The following NWD1 variants were observed in gnomAD, a reference collection of about 807,000 sequenced individuals.
NWD1 encodes NACHT and WD repeat domain containing 1, also known as NACHT domain- and WD repeat-containing protein 1.
A neutral mutation model predicts 135.1 loss-of-function variants in NWD1; 129 were observed. The observed-to-expected ratio is 0.96, with a 90% CI of 0.83 to 1.11. The LOEUF (loss-of-function observed/expected upper bound fraction) is 1.11. Among genes scored for constraint, NWD1 ranks in the 50% least tolerant of loss-of-function variants. NWD1 has a pLI of 0.00. For missense variants in NWD1, 1,740 were observed against 1,851.3 expected, an observed-to-expected ratio of 0.94 and a Z score of 1.10; for synonymous variants, 773 against 786.0, an observed-to-expected ratio of 0.98 and a Z score of 0.28.
At chr19:16,745,157 AGT>A (rs1173039538) in intron 5 of NWD1, 1 of 435,100 alleles carries the variant, frequency 2.3e-6, no homozygotes, top group South Asian at 1.7e-5. Flanking sequence ...GGTAAGACAG[AGT>A]GAGAGCCAAG....
rs1568340262 is a variant in NWD1, at chr19:16,738,860, C to CATTATA, written c.198+2110_198+2111insATTATA. Among the ~76,000 whole-genome samples the CATTATA allele has an allele frequency of 6.0e-4, 78 of 130,116 alleles. 2 individuals carry two copies. The highest frequency in any genetic ancestry group is 2.3e-3 in the African/African-American group (76 of 33,338). 85.4% of individuals were successfully genotyped at this position (130,116 alleles called of 152,430 possible). A position where few individuals can be genotyped will look rare whatever the true frequency, so the allele number is the denominator to read the frequency against. On this transcript the variant is annotated intron_variant, in intron 4 of 18. Coordinates refer to ENST00000524140, the MANE Select transcript of NWD1 (RefSeq NM_001007525.5). ...TTATATATTATATATAATACATTAT[C>CATTATA]TATAATATATAATACATTATATATT...
chr19:16,767,676 G>C (rs958627974), intron 10 of NWD1, among the ~76,000 whole-genome samples: 1 of 151,882 alleles, frequency 6.6e-6, no homozygotes, highest in Non-Finnish European at 1.5e-5. Context: ...CAGCATGGGG[G>C]AACCACCCCC....
intron 10 of NWD1, 122 bp from the exon 11 acceptor site, chr19:16,773,004 C>T: frequency 1.3e-6 from 1 of 791,274 alleles, no homozygotes; most frequent in Non-Finnish European, 2.2e-6. Flanking sequence ...CAGCAGAGGC[C>T]AGTAGCTGAG....
intron 2 of NWD1, among the ~76,000 whole-genome samples, chr19:16,726,229 T>C (rs1435468220): frequency 6.6e-6 from 1 of 152,134 alleles, no homozygotes; most frequent in Non-Finnish European, 1.5e-5. Flanking sequence ...CCCAAAGTGC[T>C]GGGATTACAG....
In NWD1 at chr19:16,814,630, GAT is replaced by G. The variant is rs1568402791; in HGVS notation, c.4288-392_4288-391del. 3.9e-5 allele frequency among the ~76,000 whole-genome samples: 6 copies of G among 152,314 alleles called. No individual in the cohort carries two copies. In the South Asian group the frequency reaches 6.2e-4, roughly 16 times the overall value. The stretch of plus-strand genomic sequence containing the variant: ...TTGTAGTATAATATGCTGTAGCAAA[GAT>G]ATATACAACTGGTATAAAGTTACAG... On this transcript the variant is annotated intron_variant, in intron 18 of 18. Coordinates refer to ENST00000524140, the MANE Select transcript of NWD1 (RefSeq NM_001007525.5).
intron 6 of NWD1, among the ~76,000 whole-genome samples, chr19:16,754,057 C>G (rs1222862723): frequency 6.6e-6 from 1 of 150,860 alleles, no homozygotes; most frequent in Non-Finnish European, 1.5e-5. Context: ...ATCCATCCAC[C>G]CATCATCTCG....
intron 17 of NWD1, 79 bp downstream of exon 17, chr19:16,800,241 T>A (rs1015253807): frequency 8.0e-6 from 11 of 1,377,358 alleles, no homozygotes; most frequent in Non-Finnish European, 9.9e-6. Flanking sequence ...CTGTAACAAA[T>A]CATCCCCACA....
chr19:16,743,060 A>C (rs1473571934), intron 4 of NWD1, among the ~76,000 whole-genome samples: 2 of 150,454 alleles, frequency 1.3e-5, no homozygotes, highest in Non-Finnish European at 3.0e-5. Context: ...TTACACCTGC[A>C]CGCCACCATG....
At position 16,749,971 on chromosome 19, in the gene NWD1, C is replaced by T; in HGVS notation, c.1329C>T (p.Asp443=). 1 of 1,613,858 alleles carries T rather than the reference C, an allele frequency of 6.2e-7. No homozygotes were observed. The highest frequency in any genetic ancestry group is 1.3e-5 in the African/African-American group (1 of 75,062). ...TGCTGGATGCTATGGATGACCTGGACTCTGTCCGCCATGCTCGGAGGGTTC... is the reference window on the plus strand; with the variant it reads ...TGCTGGATGCTATGGATGACCTGGATTCTGTCCGCCATGCTCGGAGGGTTC... ...VLLLDAMDDL[D]SVRHARRVPW... Residue 443 remains aspartate, a synonymous_variant, in exon 6 of 19, where the codon GAC becomes GAT. Transcript: ENST00000524140.
chr19:16,746,037 G>A (rs925530808), intron 5 of NWD1, among the ~76,000 whole-genome samples: 12 of 152,062 alleles, frequency 7.9e-5, no homozygotes, highest in Admixed American at 2.0e-4. Flanking sequence ...CCCCCAAAAC[G>A]TAACTACTAA....
At chr19:16,741,196 C>A (rs919898196) in intron 4 of NWD1, among the ~76,000 whole-genome samples, 1 of 152,072 alleles carries the variant, frequency 6.6e-6, no homozygotes, top group Non-Finnish European at 1.5e-5. Context: ...GCCTTATCCC[C>A]CTTCGCTGTC....
At chr19:16,792,088 G>T (rs1413958341) in intron 14 of NWD1, among the ~76,000 whole-genome samples, 1 of 152,180 alleles carries the variant, frequency 6.6e-6, no homozygotes, top group African/African-American at 2.4e-5. Context: ...GTCTCTTGGG[G>T]ACTGACCAAT....
chr19:16,723,676 CTGTTTTGTTTTGTTT>C lies in NWD1; in HGVS notation c.-104-662_-104-648del, dbSNP rs60100795. ...ATGAGTACCTATTTTACAGCTTTTT[CTGTTTTGTTTTGTTT>C]TGTTTTGTTTTGTTTTGTTTTGTTT... On this transcript the variant is annotated intron_variant, in intron 1 of 18. Coordinates refer to ENST00000524140, the MANE Select transcript of NWD1 (RefSeq NM_001007525.5). 7.5e-3 allele frequency among the ~76,000 whole-genome samples: 1,118 copies of C among 149,786 alleles called. 6 individuals carry two copies. Among genetic ancestry groups the C allele is most frequent in the African/African-American group, 0.017 (703 of 40,532 alleles).
intron 4 of NWD1, among the ~76,000 whole-genome samples, chr19:16,741,858 C>T (rs1375820874): frequency 1.3e-5 from 2 of 152,146 alleles, no homozygotes; most frequent in African/African-American, 2.4e-5. Context: ...TGCCTGTAAT[C>T]CCAGAACGTT....
intron 11 of NWD1, among the ~76,000 whole-genome samples, chr19:16,775,324 G>T (rs1400180194): frequency 3.9e-5 from 6 of 151,908 alleles, no homozygotes; most frequent in African/African-American, 7.3e-5. Context: ...CAAAATATCA[G>T]TGGCTTAAAT....
At chr19:16,745,406 G>A (rs1968269913) in intron 5 of NWD1, among the ~76,000 whole-genome samples, 1 of 151,830 alleles carries the variant, frequency 6.6e-6, no homozygotes, top group South Asian at 2.1e-4. Flanking sequence ...TGGGACGGAG[G>A]GGTTCCTAGG....
chr19:16,766,303 G>C (rs1291587585), intron 10 of NWD1, among the ~76,000 whole-genome samples: 1 of 152,190 alleles, frequency 6.6e-6, no homozygotes, highest in African/African-American at 2.4e-5. Context: ...TTGGGAAGGT[G>C]AGGTGGGAGG....
chr19:16,804,558 G>A (rs1599559329), intron 17 of NWD1, among the ~76,000 whole-genome samples: 3 of 150,754 alleles, frequency 2.0e-5, no homozygotes, highest in African/African-American at 7.3e-5. Context: ...TAATGCCACT[G>A]CACTCCAGCC....
At chr19:16,751,303 A>T (rs1968568418) in intron 6 of NWD1, among the ~76,000 whole-genome samples, 1 of 151,874 alleles carries the variant, frequency 6.6e-6, no homozygotes, top group African/African-American at 2.4e-5. Context: ...CCAGGTATGG[A>T]TGAGGAGTCA....
Sources: allele counts gnomAD v4.1 joint callset (sites outside exome capture counted in the v4.1 genomes callset), GRCh38; gene constraint gnomAD v4.1.1; transcripts MANE v1.5; gene names NCBI Gene and HGNC (gene_info 2026-07-23, HGNC 2026-07-21).